ZNF385C: variants seen among roughly 807,000 people sequenced by gnomAD.
ZNF385C encodes the protein zinc finger protein 385C, also known as CTD-2132N18.2.
A neutral mutation model predicts 35.4 loss-of-function variants in ZNF385C; 28 were observed. That is an observed-to-expected ratio of 0.79 (90% CI 0.59 to 1.08). The LOEUF is 1.08. ZNF385C is among the 50% of genes least tolerant of loss of function. The pLI is 0.00. For synonymous variants in ZNF385C, 248 were observed against 248.2 expected, an observed-to-expected ratio of 1.00 and a Z score of 0.01; for missense variants, 605 against 595.6, an observed-to-expected ratio of 1.02 and a Z score of -0.16.
intron 5 of ZNF385C, 117 bp downstream of exon 5, chr17:42,031,502 C>T: frequency 7.6e-7 from 1 of 1,320,560 alleles, no homozygotes; most frequent in East Asian, 2.5e-5. Context: ...TGTGCCTTTG[C>T]CTGTCTGTAT....
chr17:42,076,881 T>G (rs1309618620), intron 1 of ZNF385C, among the ~76,000 whole-genome samples: 4 of 151,840 alleles, frequency 2.6e-5, no homozygotes, highest in Admixed American at 2.0e-4. Flanking sequence ...GAGCTGGGGG[T>G]GTGAGGTGGT....
At chr17:42,049,566 T>C (rs541994777) in intron 2 of ZNF385C, among the ~76,000 whole-genome samples, 42 of 152,348 alleles carry the variant, frequency 2.8e-4, no homozygotes, top group African/African-American at 1.0e-3. Context: ...AACAGCTGCC[T>C]TTGACATCCT....
intron 2 of ZNF385C, 115 bp downstream of exon 2, chr17:42,062,692 C>T: frequency 2.3e-6 from 1 of 428,324 alleles, no homozygotes; most frequent in Non-Finnish European, 4.1e-6. Flanking sequence ...TGAGGGCACC[C>T]CAGACGCAAA....
chr17:42,037,378 TACACACACACACAC>T (rs5820441), intron 3 of ZNF385C, among the ~76,000 whole-genome samples: 38 of 144,536 alleles, frequency 2.6e-4, no homozygotes, highest in South Asian at 7.0e-4. Flanking sequence ...AGGCACAGGT[TACACACACACACAC>T]ACACACACAC....
chr17:42,077,556 T>C (rs1482322127), intron 1 of ZNF385C, among the ~76,000 whole-genome samples: 1 of 152,182 alleles, frequency 6.6e-6, no homozygotes, highest in Non-Finnish European at 1.5e-5. Flanking sequence ...AAGTAACATT[T>C]CTACTACAAA....
At chr17:42,073,477 C>G (rs2053652769) in intron 1 of ZNF385C, among the ~76,000 whole-genome samples, 1 of 151,994 alleles carries the variant, frequency 6.6e-6, no homozygotes, top group Non-Finnish European at 1.5e-5. Context: ...GGTCCAAAGT[C>G]ACACAGGAAG....
At chr17:42,069,279 G>A (rs1197764729) in intron 1 of ZNF385C, among the ~76,000 whole-genome samples, 2 of 152,178 alleles carry the variant, frequency 1.3e-5, no homozygotes, top group African/African-American at 4.8e-5. Context: ...GGGTGGGTTG[G>A]GGGGAGCACG....
intron 1 of ZNF385C, among the ~76,000 whole-genome samples, chr17:42,092,261 C>T (rs190638906): frequency 6.6e-6 from 1 of 152,150 alleles, no homozygotes; most frequent in East Asian, 1.9e-4. Flanking sequence ...ATTAGCTGGG[C>T]ATGGTGGCAT....
chr17:42,073,194 T>C (rs948090222), intron 1 of ZNF385C, among the ~76,000 whole-genome samples: 4 of 152,022 alleles, frequency 2.6e-5, no homozygotes, highest in Non-Finnish European at 4.4e-5. Context: ...CCCAGCACTT[T>C]GGGAGGTCGA....
intron 1 of ZNF385C, 86 bp from the exon 2 acceptor site, chr17:42,063,144 C>T (rs1256348704): frequency 2.0e-5 from 11 of 554,354 alleles, no homozygotes; most frequent in Non-Finnish European, 2.6e-5. Context: ...CCGGGAGACA[C>T]GGGGCTCTGT....
At chr17:42,071,683 C>T (rs1346083875) in intron 1 of ZNF385C, among the ~76,000 whole-genome samples, 1 of 152,218 alleles carries the variant, frequency 6.6e-6, no homozygotes, top group Admixed American at 6.5e-5. Flanking sequence ...TTGCCCTGTT[C>T]ACACTCAGCA....
At chr17:42,053,478 C>T (rs2053320815) in intron 2 of ZNF385C, among the ~76,000 whole-genome samples, 1 of 137,376 alleles carries the variant, frequency 7.3e-6, no homozygotes, top group Admixed American at 6.8e-5. Context: ...TCGGACGTCT[C>T]CCCCTCCCCT....
chr17:42,056,953 A>G (rs62076914), intron 2 of ZNF385C, among the ~76,000 whole-genome samples: 305 of 152,098 alleles, frequency 2.0e-3, no homozygotes, highest in Admixed American at 6.2e-3. Context: ...AATACACCCT[A>G]TCTCTACAAA....
chr17:42,045,408 TA>T (rs2143700939), intron 2 of ZNF385C, among the ~76,000 whole-genome samples: 1 of 152,362 alleles, frequency 6.6e-6, no homozygotes, highest in South Asian at 2.1e-4. Context: ...TGCCTAAATG[TA>T]ACTACCATTT....
At chr17:42,067,520 G>A (rs2143880569) in intron 1 of ZNF385C, among the ~76,000 whole-genome samples, 1 of 152,194 alleles carries the variant, frequency 6.6e-6, no homozygotes, top group Admixed American at 6.5e-5. Flanking sequence ...TACCCCCTGG[G>A]CATGACAGAC....
At chr17:42,064,242 C>G (rs1294941110) in intron 1 of ZNF385C, among the ~76,000 whole-genome samples, 2 of 152,180 alleles carry the variant, frequency 1.3e-5, no homozygotes, top group Non-Finnish European at 2.9e-5. Context: ...CTAACCATTT[C>G]TATTCTGGGG....
intron 1 of ZNF385C, among the ~76,000 whole-genome samples, chr17:42,072,463 G>C (rs2053638266): frequency 6.6e-6 from 1 of 152,172 alleles, no homozygotes; most frequent in South Asian, 2.1e-4. Context: ...TAAGTGCTGA[G>C]CACGCGGCGG....
intron 2 of ZNF385C, among the ~76,000 whole-genome samples, chr17:42,054,638 G>A (rs1197472746): frequency 6.7e-6 from 1 of 150,216 alleles, no homozygotes; most frequent in Non-Finnish European, 1.5e-5. Context: ...CTGGAGTGCA[G>A]TGGCAAGATC....
chr17:42,067,605 C>T (rs2053566661), intron 1 of ZNF385C, among the ~76,000 whole-genome samples: 1 of 152,158 alleles, frequency 6.6e-6, no homozygotes, highest in Admixed American at 6.5e-5. Context: ...TAGCTCTTCC[C>T]ACAGAGGGCA....
Sources: gnomAD v4.1 joint callset for allele counts (sites outside exome capture counted in the v4.1 genomes callset) on GRCh38, gnomAD v4.1.1 for gene constraint, MANE v1.5 for transcripts, NCBI Gene and HGNC (gene_info 2026-07-23, HGNC 2026-07-21) for gene names.